Variants in CTBP2 observed in about 807,000 individuals in gnomAD.
CTBP2 encodes the protein C-terminal-binding protein 2.
Under a neutral mutation model 80.3 loss-of-function variants are expected in CTBP2, and 30 were observed. That is an observed-to-expected ratio of 0.37 (90% CI 0.28 to 0.51). The LOEUF is 0.51. Among genes scored for constraint, CTBP2 ranks in the 20% least tolerant of loss-of-function variants. The probability of loss-of-function intolerance (pLI) is 0.93; values close to 1 mark genes in which losing one functional copy is unlikely to be tolerated. For synonymous variants in CTBP2, 594 were observed against 587.4 expected (o/e 1.01, Z -0.16); for missense variants, 1,212 against 1,375.3 (o/e 0.88, Z 1.88).
rs2304730 is a variant in CTBP2 at position 124,994,006 on chromosome 10, C to T, written c.2401-21G>A. ...CTCATCTGTGGAAGGAAAGAAAAGC[C>T]GGTTACAGGCACACTGGCATGGTGG... On this transcript the variant is annotated intron_variant, in intron 5 of 8. Coordinates refer to ENST00000309035, the MANE Select transcript of CTBP2 (RefSeq NM_022802.3). The T allele has an allele frequency of 4.4e-5, 71 of 1,613,314 alleles. No homozygotes were observed. In the East Asian group the frequency reaches 1.2e-3, roughly 27 times the overall value.
chr10:125,104,474 C>T (rs769503981), intron 2 of CTBP2, among the ~76,000 whole-genome samples: 36 of 152,268 alleles, frequency 2.4e-4, no homozygotes, highest in Middle Eastern at 3.4e-3. Flanking sequence ...GTTTGCTCCG[C>T]GTGCCTGAAG....
chr10:125,112,569 C>T (rs1590855580), intron 1 of CTBP2, among the ~76,000 whole-genome samples: 2 of 152,148 alleles, frequency 1.3e-5, no homozygotes, highest in South Asian at 4.2e-4. Flanking sequence ...GCTGGGATTA[C>T]AGGCGCATGC....
At chr10:125,137,803 C>T (rs922299396) in intron 1 of CTBP2, among the ~76,000 whole-genome samples, 2 of 152,208 alleles carry the variant, frequency 1.3e-5, no homozygotes, top group Non-Finnish European at 2.9e-5. Flanking sequence ...TGCTTTTGTA[C>T]TAATCTTCTA....
intron 1 of CTBP2, among the ~76,000 whole-genome samples, chr10:125,159,501 G>GGCGGCA (rs973218197): frequency 6.1e-5 from 9 of 147,694 alleles, no homozygotes; most frequent in South Asian, 2.1e-4. Context: ...CAGTGGCGGC[G>GGCGGCA]GCGGCAGCGG....
At chr10:125,153,154 G>C (rs1372000340) in intron 1 of CTBP2, among the ~76,000 whole-genome samples, 2 of 152,252 alleles carry the variant, frequency 1.3e-5, no homozygotes, top group Non-Finnish European at 2.9e-5. Flanking sequence ...ACCGCACAGA[G>C]GACAATGTTG....
Position 125,066,407 on chromosome 10 carries a change from T to C in CTBP2, c.-101-27252A>G, listed in dbSNP as rs543740277. On this transcript the variant is annotated intron_variant, in intron 2 of 10. Transcript: ENST00000337195. This position sits in a 1 kb window ranked among gnomAD's most constrained non-coding sequence, Gnocchi z 4.1. ...TCTAAGCAGTCAGGTGCATGCACCA[T>C]GCTAGGTGAGTGCAGGGCAGGAACG... Among the ~76,000 whole-genome samples the C allele has an allele frequency of 1.3e-5, 2 of 152,036 alleles. No homozygotes were observed. The highest frequency in any genetic ancestry group is 2.9e-5 in the Non-Finnish European group (2 of 68,016).
At chr10:125,121,156 G>A (rs1854254571) in intron 1 of CTBP2, among the ~76,000 whole-genome samples, 1 of 152,240 alleles carries the variant, frequency 6.6e-6, no homozygotes, top group Non-Finnish European at 1.5e-5. Flanking sequence ...CCCCAGGAGA[G>A]TGTTCTCTCC....
At chr10:125,057,408 C>T (rs1480051138) in intron 2 of CTBP2, among the ~76,000 whole-genome samples, 1 of 152,184 alleles carries the variant, frequency 6.6e-6, no homozygotes, top group East Asian at 1.9e-4. Flanking sequence ...CAGCCCCCGC[C>T]TCCCTCTAAA....
intron 1 of CTBP2, among the ~76,000 whole-genome samples, chr10:125,009,609 AG>A (rs746920511): frequency 1.3e-5 from 2 of 152,212 alleles, no homozygotes; most frequent in Non-Finnish European, 2.9e-5. Context: ...CCTGATTTCT[AG>A]AAAGCCAGAC....
chr10:125,075,731 C>T (rs1284166740), intron 2 of CTBP2, among the ~76,000 whole-genome samples: 3 of 152,176 alleles, frequency 2.0e-5, no homozygotes, highest in Admixed American at 1.3e-4. Context: ...TAGATTAAAA[C>T]GTGCTGAGGT....
At chr10:125,103,515 C>A (rs771981758) in intron 2 of CTBP2, among the ~76,000 whole-genome samples, 1 of 152,182 alleles carries the variant, frequency 6.6e-6, no homozygotes, top group Non-Finnish European at 1.5e-5. Flanking sequence ...ACACCCTTGG[C>A]TGCTGCACTA....
At chr10:125,046,228 C>CA (rs1491020730) in intron 2 of CTBP2, among the ~76,000 whole-genome samples, 1 of 152,134 alleles carries the variant, frequency 6.6e-6, no homozygotes, top group East Asian at 1.9e-4. Flanking sequence ...CTGCCGCTAT[C>CA]AGAGTATTTT....
chr10:125,157,862 A>G (rs1005087190), intron 1 of CTBP2, among the ~76,000 whole-genome samples: 1 of 152,158 alleles, frequency 6.6e-6, no homozygotes, highest in African/African-American at 2.4e-5. Flanking sequence ...CTACCATCTC[A>G]TTAACTTTTC....
intron 1 of CTBP2, among the ~76,000 whole-genome samples, chr10:125,135,256 C>A (rs1856813170): frequency 6.6e-6 from 1 of 152,146 alleles, no homozygotes; most frequent in Non-Finnish European, 1.5e-5. Flanking sequence ...TTGTTCCCTG[C>A]AGCACCCGCT....
intron 1 of CTBP2, among the ~76,000 whole-genome samples, chr10:125,016,825 G>T (rs1156784983): frequency 6.6e-6 from 1 of 152,190 alleles, no homozygotes; most frequent in Non-Finnish European, 1.5e-5. Context: ...CAGGCTCAGA[G>T]CCCAGTTTAC....
chr10:125,140,193 C>G (rs1591038614), intron 1 of CTBP2, among the ~76,000 whole-genome samples: 2 of 151,160 alleles, frequency 1.3e-5, no homozygotes, highest in East Asian at 3.9e-4. Context: ...GACGACCACC[C>G]AGAAGAAGCC....
At chr10:124,996,038 CTATT>C (rs1305657152) in intron 4 of CTBP2, 1 of 127,942 alleles carries the variant, frequency 7.8e-6, no homozygotes, top group Non-Finnish European at 1.6e-5. Flanking sequence ...GTGCCGACGG[CTATT>C]TCTTTGTTTT....
At position 125,028,042 on chromosome 10, in the gene CTBP2, G is replaced by C; in HGVS notation, c.-283C>G. The C allele has an allele frequency of 9.3e-6, 6 of 648,124 alleles. No homozygotes were observed. The highest frequency in any genetic ancestry group is 1.3e-5 in the Non-Finnish European group (6 of 461,896). 40.1% of individuals were successfully genotyped at this position (648,124 alleles called of 1,614,324 possible). On this transcript the variant is annotated 5_prime_UTR_variant, in exon 1 of 9. Transcript: ENST00000309035. ...CCGGAGAGGAGGCTGTCCCCAGCCT[G>C]CCAGGTCCCCCTTCCTGGCTGGTGT...
intron 2 of CTBP2, among the ~76,000 whole-genome samples, chr10:125,051,595 A>C (rs1962775287): frequency 6.6e-6 from 1 of 152,022 alleles, no homozygotes; most frequent in Middle Eastern, 3.4e-3. Context: ...AACTGAGATC[A>C]CGCCACTGCA....
Sources: allele counts gnomAD v4.1 joint callset (sites outside exome capture counted in the v4.1 genomes callset), GRCh38; gene constraint gnomAD v4.1.1; non-coding constraint Gnocchi (gnomAD v3.1); transcripts MANE v1.5; gene names NCBI Gene and HGNC (gene_info 2026-07-23, HGNC 2026-07-21).